Variants in PDE4DIP observed in about 807,000 individuals in gnomAD.
The protein encoded by PDE4DIP is phosphodiesterase 4D interacting protein, also known as myomegalin.
A neutral mutation model predicts 221.4 loss-of-function variants in PDE4DIP; 59 were observed. The observed-to-expected ratio is 0.27, with a 90% CI of 0.22 to 0.33. The LOEUF (loss-of-function observed/expected upper bound fraction) is 0.33, where lower values mean the gene tolerates loss of function less well. Among genes scored for constraint, PDE4DIP ranks in the 10% least tolerant of loss-of-function variants. The pLI, the probability that PDE4DIP is intolerant of heterozygous loss-of-function variation, is 1.00. For missense variants in PDE4DIP, 1,036 were observed against 2,154.2 expected, an observed-to-expected ratio of 0.48 and a Z score of 10.28; for synonymous variants, 404 against 815.9, an observed-to-expected ratio of 0.50 and a Z score of 8.60.
Position 148,983,582 on chromosome 1 carries a change from C to T in PDE4DIP, c.2815+2185C>T, listed in dbSNP as rs375973247. 6.6e-5 allele frequency: 10 copies of T among 152,596 alleles called. No homozygotes were observed. In the South Asian group the frequency reaches 1.0e-3, roughly 16 times the overall value. The allele number at this position is 152,596 out of a possible 1,614,324, so 9.5% of individuals were successfully genotyped here. ...GATAATTTGGCATCTGATTAGAGAG[C>T]ATGAGTCTGATAAATTTTATAATCC... On this transcript the variant is annotated intron_variant, in intron 21 of 43. Transcript: ENST00000369354.
At chr1:149,021,277 C>G in intron 37 of PDE4DIP, 124 bp downstream of exon 40, 1 of 749,158 alleles carries the variant, frequency 1.3e-6, no homozygotes, top group Middle Eastern at 4.5e-4. Context: ...GAAACCCCCA[C>G]CCGAGCCTGG....
chr1:148,989,376 G>A (rs61809695), intron 21 of PDE4DIP: 35 of 913,008 alleles, frequency 3.8e-5, no homozygotes, highest in South Asian at 8.5e-5. Context: ...TGTCTCCGTC[G>A]AATTCCTTAT....
intron 5 of PDE4DIP, among the ~76,000 whole-genome samples, chr1:148,951,574 C>T (rs1477744334): frequency 2.0e-5 from 3 of 152,232 alleles, no homozygotes; most frequent in African/African-American, 7.2e-5. Flanking sequence ...GTTTGTCTAC[C>T]GTCCCCTGTC....
chr1:149,009,826 C>G (rs2068052629), intron 30 of PDE4DIP, 35 bp downstream of exon 33: 2 of 1,408,008 alleles, frequency 1.4e-6, no homozygotes, highest in Non-Finnish European at 2.0e-6. Context: ...CCATCTTTGT[C>G]TAGGCTGAGT....
intron 4 of PDE4DIP, among the ~76,000 whole-genome samples, chr1:148,933,660 CAT>C (rs2048563911): frequency 1.3e-5 from 2 of 152,152 alleles, no homozygotes; most frequent in African/African-American, 2.4e-5. Context: ...GCAAAAACCA[CAT>C]GTGCATACCA....
intron 37 of PDE4DIP, among the ~76,000 whole-genome samples, chr1:149,023,302 C>T (rs1187846042): frequency 7.9e-5 from 12 of 152,150 alleles, no homozygotes; most frequent in African/African-American, 9.6e-5. Context: ...TAGCTCATTG[C>T]GGAAATAGTT....
chr1:148,983,064 A>G (rs1318904200), intron 21 of PDE4DIP: 1 of 152,116 alleles, frequency 6.6e-6, no homozygotes, highest in Non-Finnish European at 1.5e-5. Flanking sequence ...AAAAGGAGTC[A>G]TTTAAGGAAG....
intron 1 of PDE4DIP, among the ~76,000 whole-genome samples, chr1:148,897,864 T>TAACCA (rs1280802997): frequency 1.3e-5 from 2 of 150,984 alleles, no homozygotes; most frequent in African/African-American, 4.9e-5. Flanking sequence ...GTGGAACTCT[T>TAACCA]AACCAAAGGC....
chr1:149,009,613 G>A (rs782775694), exon 30 of PDE4DIP: 86 of 1,613,810 alleles, frequency 5.3e-5, no homozygotes, highest in Non-Finnish European at 6.8e-5. Flanking sequence ...TTGAAGTCCT[G>A]CAGGCCAAGC....
chr1:148,997,903 A>G (rs1359291349), intron 22 of PDE4DIP, among the ~76,000 whole-genome samples: 3 of 152,262 alleles, frequency 2.0e-5, no homozygotes, highest in Admixed American at 2.0e-4. Flanking sequence ...CTCCCTCACC[A>G]TCTCTGGATT....
At chr1:148,944,112 T>C (rs2051070986) in intron 5 of PDE4DIP, among the ~76,000 whole-genome samples, 1 of 152,184 alleles carries the variant, frequency 6.6e-6, no homozygotes, top group South Asian at 2.1e-4. Context: ...GCTTACCAGC[T>C]AATGGGGAGA....
intron 1 of PDE4DIP, among the ~76,000 whole-genome samples, chr1:148,915,218 G>A (rs2043706186): frequency 6.6e-6 from 1 of 152,100 alleles, no homozygotes. Flanking sequence ...TGCAATCTCG[G>A]CTCACTACAA....
rs587645923 is a variant in PDE4DIP, at chr1:148,890,738, G to C, written c.141+844G>C. The stretch of plus-strand genomic sequence containing the variant: ...CCGCTACACTCCAGCCTAGGTGACA[G>C]AGCAAGAGTCTGTCTCAAAAAAAAA... On this transcript the variant is annotated intron_variant, in intron 1 of 43. Transcript: ENST00000369354. 7.0e-4 allele frequency among the ~76,000 whole-genome samples: 63 copies of C among 89,922 alleles called. 3 individuals are homozygous for C. Among genetic ancestry groups the C allele is most frequent in the African/African-American group, 3.4e-3 (61 of 18,122 alleles). The allele number at this position is 89,922 out of a possible 152,430, so 59.0% of individuals were successfully genotyped here.
intron 4 of PDE4DIP, 146 bp from the exon 8 acceptor site, chr1:148,937,601 C>T (rs1479155335): frequency 3.5e-6 from 2 of 566,508 alleles, no homozygotes; most frequent in Admixed American, 3.1e-5. Context: ...ACATGGTTTT[C>T]TAAACAAATG....
chr1:149,025,392 T>C (rs1575602852), intron 38 of PDE4DIP, among the ~76,000 whole-genome samples: 3 of 152,012 alleles, frequency 2.0e-5, no homozygotes, highest in African/African-American at 7.2e-5. Flanking sequence ...GAAACAGGGC[T>C]CTGGGGAAGT....
chr1:149,010,321 T>C (rs2068217883), intron 30 of PDE4DIP, 122 bp from the exon 34 acceptor site: 3 of 708,140 alleles, frequency 4.2e-6, no homozygotes, highest in Non-Finnish European at 7.4e-6. Context: ...CTAACAGTGC[T>C]TGTGCTTGGT....
At chr1:149,001,662 G>T in exon 24 of PDE4DIP, 2 of 1,613,874 alleles carry the variant, frequency 1.2e-6, no homozygotes, top group South Asian at 2.2e-5. Flanking sequence ...ATGTCTGATG[G>T]ATGGGAGATC....
At chr1:149,013,955 T>G (rs1412392924) in intron 32 of PDE4DIP, among the ~76,000 whole-genome samples, 1 of 151,858 alleles carries the variant, frequency 6.6e-6, no homozygotes, top group Non-Finnish European at 1.5e-5. Flanking sequence ...ACCTGGCTAA[T>G]TTTTGTATTT....
chr1:149,032,015 C>T (rs587647089), exon 44 of PDE4DIP: 28 of 1,610,660 alleles, frequency 1.7e-5, no homozygotes, highest in Middle Eastern at 2.3e-4. Context: ...ATGCAAGAAG[C>T]GCAGCCACCA....
Sources: gnomAD v4.1 joint callset for allele counts (sites outside exome capture counted in the v4.1 genomes callset) on GRCh38, gnomAD v4.1.1 for gene constraint, MANE v1.5 for transcripts, NCBI Gene and HGNC (gene_info 2026-07-23, HGNC 2026-07-21) for gene names.